USP45: variants seen among roughly 807,000 people sequenced by gnomAD.
The protein encoded by USP45 is ubiquitin carboxyl-terminal hydrolase 45.
In USP45, 89 loss-of-function variants were observed where a neutral mutation model predicts 95.8. The observed-to-expected ratio is 0.93, with a 90% confidence interval of 0.78 to 1.11. The LOEUF (loss-of-function observed/expected upper bound fraction) is 1.11, where lower values mean the gene tolerates loss of function less well. Ranked by LOEUF, USP45 falls within the 50% of genes least tolerant of loss-of-function variation. The pLI is 0.00. For missense variants in USP45, 898 were observed against 942.5 expected (o/e 0.95, Z 0.62); for synonymous variants, 281 against 316.2 (o/e 0.89, Z 1.18).
chr6:99,514,446 C>G (rs552222590), intron 1 of USP45, among the ~76,000 whole-genome samples: 1 of 152,336 alleles, frequency 6.6e-6, no homozygotes, highest in South Asian at 2.1e-4. Context: ...ACATTGCAAG[C>G]AGTCCTTTCT....
chr6:99,481,005 T>C (rs887288868), intron 8 of USP45, among the ~76,000 whole-genome samples: 32 of 152,060 alleles, frequency 2.1e-4, no homozygotes, highest in African/African-American at 7.5e-4. Context: ...ACTTGGGAGG[T>C]TGAGCAGGGA....
At chr6:99,476,079 A>G (rs1464701520) in intron 9 of USP45, 64 bp downstream of exon 9, 25 of 1,499,990 alleles carry the variant, frequency 1.7e-5, no homozygotes, top group East Asian at 4.6e-5. Flanking sequence ...TGGCCCCCCA[A>G]TAATCCCTTA....
At chr6:99,494,534 T>C (rs891215638) in intron 5 of USP45, among the ~76,000 whole-genome samples, 1 of 152,044 alleles carries the variant, frequency 6.6e-6, no homozygotes, top group African/African-American at 2.4e-5. Flanking sequence ...ACTTAAGATA[T>C]TACCTCAAAT....
chr6:99,449,815 A>G (rs1783447879), intron 13 of USP45, among the ~76,000 whole-genome samples: 2 of 152,218 alleles, frequency 1.3e-5, no homozygotes, highest in South Asian at 4.1e-4. Flanking sequence ...AAGAACAGAA[A>G]TTATAACAAA....
intron 13 of USP45, among the ~76,000 whole-genome samples, chr6:99,464,109 C>T: frequency 6.6e-6 from 1 of 152,008 alleles, no homozygotes; most frequent in African/African-American, 2.4e-5. Context: ...GAGTTCGAGA[C>T]CAGCCTGACC....
chr6:99,472,122 G>C (rs1789554754), intron 9 of USP45, among the ~76,000 whole-genome samples: 1 of 151,664 alleles, frequency 6.6e-6, no homozygotes, highest in African/African-American at 2.4e-5. Context: ...ACAGAAAAAA[G>C]TGACAGGGAT....
At chr6:99,500,863 G>A (rs1472846599) in intron 5 of USP45, among the ~76,000 whole-genome samples, 1 of 152,154 alleles carries the variant, frequency 6.6e-6, no homozygotes, top group Non-Finnish European at 1.5e-5. Context: ...CTGTCCAGGA[G>A]CCTGAGTTTA....
At chr6:99,507,673 T>G (rs558512973) in intron 3 of USP45, 142 bp from the exon 4 acceptor site, 1 of 595,992 alleles carries the variant, frequency 1.7e-6, no homozygotes, top group Non-Finnish European at 2.9e-6. Context: ...AAAAGTAATA[T>G]GGATTCTCAT....
At chr6:99,515,967 C>T (rs1290352884), upstream of USP45, among the ~76,000 whole-genome samples, 1 of 151,746 alleles carries the variant, frequency 6.6e-6, no homozygotes, top group Non-Finnish European at 1.5e-5. Flanking sequence ...TTAGTAGAGA[C>T]GGGGTTTCAC....
intron 5 of USP45, among the ~76,000 whole-genome samples, chr6:99,489,393 T>C (rs780068749): frequency 1.3e-5 from 2 of 152,118 alleles, no homozygotes; most frequent in Admixed American, 6.5e-5. Flanking sequence ...ATTTTTTAAA[T>C]GAGAAAAAGT....
intron 8 of USP45, among the ~76,000 whole-genome samples, chr6:99,480,468 G>C (rs1408650617): frequency 1.3e-5 from 2 of 152,160 alleles, no homozygotes; most frequent in African/African-American, 4.8e-5. Context: ...CTGAGGTTGG[G>C]AGTTCAAGAC....
intron 9 of USP45, among the ~76,000 whole-genome samples, chr6:99,471,123 CTTT>C (rs769411857): frequency 7.9e-5 from 12 of 152,076 alleles, no homozygotes; most frequent in Non-Finnish European, 1.2e-4. Flanking sequence ...TAGACTTTTG[CTTT>C]TTAATTTTGA....
intron 1 of USP45, among the ~76,000 whole-genome samples, chr6:99,514,648 GC>G (rs1367683032): frequency 7.1e-6 from 1 of 140,908 alleles, no homozygotes; most frequent in Admixed American, 7.4e-5. Flanking sequence ...AACAGGCTAT[GC>G]AAAAAGCCCA....
chr6:99,445,760 A>C, intron 14 of USP45, 37 bp downstream of exon 14: 2 of 1,413,764 alleles, frequency 1.4e-6, no homozygotes, highest in Non-Finnish European at 1.9e-6. Flanking sequence ...AGACACTATC[A>C]GGAGATCAAT....
chr6:99,510,594 G>C (rs564296663), intron 1 of USP45, among the ~76,000 whole-genome samples: 5 of 152,252 alleles, frequency 3.3e-5, no homozygotes, highest in Non-Finnish European at 5.9e-5. Context: ...CTTATAATAA[G>C]AGGCTAGAAA....
Position 99,443,587 on chromosome 6 carries a change from A to C in USP45, c.2051T>G (p.Leu684Arg). The C allele has an allele frequency of 1.2e-6, 2 of 1,608,106 alleles. No homozygotes were observed. The highest frequency in any genetic ancestry group is 1.7e-6 in the Non-Finnish European group (2 of 1,176,660). Residue 684 changes from leucine to arginine, a missense_variant, in exon 15 of 18, where the codon CTC becomes CGC. Transcript: ENST00000500704. ...TACCTGATGAAATCTTTTCAGGTGG[A>C]GAATTAGGACAGCTGGAACAGCAGA... ...LISAVPAVLILHLKRFHQAGL... is the reference protein window; with the variant it reads ...LISAVPAVLIRHLKRFHQAGL...
At chr6:99,510,023 C>T in intron 2 of USP45, 98 bp downstream of exon 2, 1 of 903,952 alleles carries the variant, frequency 1.1e-6, no homozygotes, top group Non-Finnish European at 1.7e-6. Flanking sequence ...AATTTGTGTA[C>T]AAGTTGATCC....
intron 5 of USP45, 59 bp downstream of exon 5, chr6:99,503,706 G>T: frequency 1.8e-6 from 2 of 1,118,618 alleles, no homozygotes; most frequent in Non-Finnish European, 2.6e-6. Flanking sequence ...ATGAATTTAT[G>T]AACTCTATAT....
intron 15 of USP45, among the ~76,000 whole-genome samples, chr6:99,440,575 C>T (rs1286145354): frequency 6.6e-6 from 1 of 152,088 alleles, no homozygotes; most frequent in Admixed American, 6.5e-5. Flanking sequence ...TAGACAAAAA[C>T]GAAAAGGGGC....
Sources: gnomAD v4.1 joint callset for allele counts (sites outside exome capture counted in the v4.1 genomes callset) on GRCh38, gnomAD v4.1.1 for gene constraint, MANE v1.5 for transcripts, NCBI Gene and HGNC (gene_info 2026-07-23, HGNC 2026-07-21) for gene names.